Variants in PPP2R2B observed in about 807,000 individuals in gnomAD.
The protein encoded by PPP2R2B is protein phosphatase 2 regulatory subunit Bbeta.
In PPP2R2B, 5 loss-of-function variants were observed where a neutral mutation model predicts 46.0. The ratio of observed to expected loss-of-function variants is 0.11; its 90% CI spans 0.06 to 0.23. The LOEUF (loss-of-function observed/expected upper bound fraction) is 0.23, where lower values mean the gene tolerates loss of function less well. PPP2R2B is among the 10% of genes least tolerant of loss of function. The pLI is 1.00. For missense variants in PPP2R2B, 367 were observed against 575.0 expected (o/e 0.64, Z 3.70); for synonymous variants, 215 against 206.7 (o/e 1.04, Z -0.34).
intron 2 of PPP2R2B, among the ~76,000 whole-genome samples, chr5:146,861,954 TC>T (rs1761033139): frequency 6.6e-6 from 1 of 152,006 alleles, no homozygotes; most frequent in African/African-American, 2.4e-5. Flanking sequence ...ATGTAATAAC[TC>T]ATATAATATG....
chr5:146,933,167 G>A (rs1238207674), intron 1 of PPP2R2B, among the ~76,000 whole-genome samples: 1 of 152,138 alleles, frequency 6.6e-6, no homozygotes, highest in Non-Finnish European at 1.5e-5. Flanking sequence ...GAGATTTCAA[G>A]TAACAGGGAT....
At chr5:147,008,431 A>G (rs1382373983) in intron 1 of PPP2R2B, among the ~76,000 whole-genome samples, 1 of 152,190 alleles carries the variant, frequency 6.6e-6, no homozygotes, top group Non-Finnish European at 1.5e-5. Context: ...GTCTATTCAT[A>G]AATCTTCACC....
chr5:146,844,145 T>G (rs1162477766), intron 2 of PPP2R2B, among the ~76,000 whole-genome samples: 1 of 139,082 alleles, frequency 7.2e-6, no homozygotes, highest in East Asian at 2.1e-4. Context: ...TAGGTGGGAA[T>G]TGAACAATGA....
intron 1 of PPP2R2B, among the ~76,000 whole-genome samples, chr5:146,884,045 T>C (rs1762247284): frequency 6.6e-6 from 1 of 151,764 alleles, no homozygotes; most frequent in Non-Finnish European, 1.5e-5. Flanking sequence ...TGGTAGGATA[T>C]TTATATCACA....
At chr5:146,719,571 G>T (rs1019736832) in intron 2 of PPP2R2B, among the ~76,000 whole-genome samples, 2 of 152,130 alleles carry the variant, frequency 1.3e-5, no homozygotes, top group African/African-American at 4.8e-5. Flanking sequence ...GCACATTGTA[G>T]CTCCTCAATA....
chr5:146,667,088 T>G (rs568505688), intron 5 of PPP2R2B, among the ~76,000 whole-genome samples: 1 of 152,210 alleles, frequency 6.6e-6, no homozygotes, highest in African/African-American at 2.4e-5. Flanking sequence ...TTCTGTCTAA[T>G]AAAGGCTATT....
At chr5:146,721,279 T>C (rs1297293682) in intron 2 of PPP2R2B, among the ~76,000 whole-genome samples, 2 of 152,240 alleles carry the variant, frequency 1.3e-5, no homozygotes, top group South Asian at 4.1e-4. Flanking sequence ...ATGTTTCTAA[T>C]GAATTTAGAA....
intron 1 of PPP2R2B, among the ~76,000 whole-genome samples, chr5:146,950,655 G>A (rs754570868): frequency 6.6e-5 from 10 of 151,972 alleles, no homozygotes; most frequent in Non-Finnish European, 1.3e-4. Flanking sequence ...TGTTTAGGCT[G>A]TACATAGTAT....
At chr5:147,070,474 CA>C in intron 2 of PPP2R2B, among the ~76,000 whole-genome samples, 1 of 152,248 alleles carries the variant, frequency 6.6e-6, no homozygotes, top group Admixed American at 6.5e-5. Flanking sequence ...TTTTAAATTC[CA>C]TTAACTAATA....
At chr5:146,860,453 T>A (rs964922883) in intron 2 of PPP2R2B, among the ~76,000 whole-genome samples, 3 of 152,146 alleles carry the variant, frequency 2.0e-5, no homozygotes, top group Non-Finnish European at 4.4e-5. Context: ...ACACCACACT[T>A]TCTAAAGCAA....
At chr5:146,856,619 G>A (rs1760686739) in intron 2 of PPP2R2B, 8 of 1,476,598 alleles carry the variant, frequency 5.4e-6, no homozygotes, top group Non-Finnish European at 7.6e-6. Flanking sequence ...CAGACTCCAG[G>A]AGGTAGTGAT....
At chr5:146,837,129 A>G (rs1468564300) in intron 2 of PPP2R2B, among the ~76,000 whole-genome samples, 1 of 152,246 alleles carries the variant, frequency 6.6e-6, no homozygotes, top group Non-Finnish European at 1.5e-5. Context: ...CGATGATGCA[A>G]AAGTGATACA....
chr5:146,781,161 T>TA (rs1755497076), intron 2 of PPP2R2B, among the ~76,000 whole-genome samples: 1 of 104,942 alleles, frequency 9.5e-6, no homozygotes, highest in South Asian at 3.3e-4. Flanking sequence ...TATATATATA[T>TA]ATATATATAT....
chr5:146,936,358 T>A (rs1764138558), intron 1 of PPP2R2B, among the ~76,000 whole-genome samples: 1 of 151,138 alleles, frequency 6.6e-6, no homozygotes, highest in Non-Finnish European at 1.5e-5. Flanking sequence ...ATCATCCCAC[T>A]CCCCCTCTGA....
intron 2 of PPP2R2B, among the ~76,000 whole-genome samples, chr5:146,741,660 G>A (rs891775154): frequency 7.9e-5 from 12 of 152,172 alleles, no homozygotes; most frequent in African/African-American, 1.7e-4. Flanking sequence ...GAAGGACTGC[G>A]TCACCACCTG....
intron 1 of PPP2R2B, among the ~76,000 whole-genome samples, chr5:146,949,407 AAT>A (rs537251346): frequency 1.4e-4 from 22 of 152,228 alleles, no homozygotes; most frequent in Non-Finnish European, 2.9e-4. Flanking sequence ...AAAAGTGCTC[AAT>A]GTCATTGATC....
intron 5 of PPP2R2B, among the ~76,000 whole-genome samples, chr5:146,666,865 A>G (rs1777011493): frequency 6.6e-6 from 1 of 152,234 alleles, no homozygotes; most frequent in South Asian, 2.1e-4. Flanking sequence ...GTCATCAAGT[A>G]AAATTCCCAG....
chr5:146,889,844 C>T (rs943632795), intron 1 of PPP2R2B, among the ~76,000 whole-genome samples: 1 of 152,140 alleles, frequency 6.6e-6, no homozygotes, highest in African/African-American at 2.4e-5. Context: ...TGTCTAACTC[C>T]AGGCAATGCT....
At chr5:146,904,280 A>G (rs950013949) in intron 1 of PPP2R2B, among the ~76,000 whole-genome samples, 4 of 152,350 alleles carry the variant, frequency 2.6e-5, no homozygotes, top group Admixed American at 2.0e-4. Context: ...TAAAAGTATG[A>G]AAGGTCAGTA....
Sources: gnomAD v4.1 joint callset for allele counts (sites outside exome capture counted in the v4.1 genomes callset) on GRCh38, gnomAD v4.1.1 for gene constraint, MANE v1.5 for transcripts, NCBI Gene and HGNC (gene_info 2026-07-23, HGNC 2026-07-21) for gene names.